SEMA7A: variants seen among roughly 807,000 people sequenced by gnomAD.
The protein encoded by SEMA7A is semaphorin-7A.
Under a neutral mutation model 67.5 loss-of-function variants are expected in SEMA7A, and 21 were observed. That is an observed-to-expected ratio of 0.31 (90% confidence interval 0.22 to 0.45). SEMA7A has a LOEUF of 0.45. Among genes scored for constraint, SEMA7A ranks in the 20% least tolerant of loss-of-function variants. The probability of loss-of-function intolerance (pLI) is 1.00; values close to 1 mark genes in which losing one functional copy is unlikely to be tolerated. For missense variants in SEMA7A, 774 were observed against 908.6 expected, an observed-to-expected ratio of 0.85 and a Z score of 1.90; for synonymous variants, 364 against 368.5, an observed-to-expected ratio of 0.99 and a Z score of 0.14.
chr15:74,433,824 C>G lies in SEMA7A; in HGVS notation c.95G>C (p.Arg32Pro), dbSNP rs2061115937. The change falls in exon 1 of 14, where the codon CGG becomes CCG. Residue 32 changes from arginine to proline, a missense_variant. By Grantham distance (103) the Arg-to-Pro change is moderately radical (BLOSUM62 -2). Around this residue, in one of 2 missense-constraint regions of SEMA7A, gnomAD observed 347 missense variants for 353.2 expected, o/e 0.98. Transcript: ENST00000261918. ...GGCCGCCCAGAGCAGCAGCAGCAGC[C>G]GCAGCCGCAGCGGAAGCCCCAACCG... is the stretch of plus-strand genomic sequence containing the variant. ...PARLGLPLRL[R>P]LLLLLWAAAA... 1.5e-6 allele frequency: 2 copies of G among 1,363,436 alleles called. No individual in the cohort carries two copies. Among genetic ancestry groups the G allele is most frequent in the Non-Finnish European group, 1.9e-6 (2 of 1,062,742 alleles). 84.5% of individuals were successfully genotyped at this position (1,363,436 alleles called of 1,614,324 possible). A position where few individuals can be genotyped will look rare whatever the true frequency, so the allele number is the denominator to read the frequency against.
Position 74,414,901 on chromosome 15 carries a change from C to G in SEMA7A, c.1032G>C (p.Lys344Asn), listed in dbSNP as rs535895939. The G allele has an allele frequency of 1.9e-6, 3 of 1,614,044 alleles. No homozygotes were observed. Among genetic ancestry groups the G allele is most frequent in the Non-Finnish European group, 2.5e-6 (3 of 1,180,024 alleles). ...VCVYSLGDIDKVFRTSSLKGY... is the reference protein window; with the variant it reads ...VCVYSLGDIDNVFRTSSLKGY... ...CCTTGAGTGAGGAGGTACGGAAGACCTTGTCAATGTCACCGAGGGAATACA... is the reference window on the plus strand; with the variant it reads ...CCTTGAGTGAGGAGGTACGGAAGACGTTGTCAATGTCACCGAGGGAATACA... Residue 344 changes from lysine to asparagine, a missense_variant, in exon 9 of 14, where the codon AAG (lysine) becomes AAC (asparagine). This residue lies in a region of SEMA7A where 427 missense variants were observed against 555.4 expected (regional missense o/e 0.77). Coordinates refer to ENST00000261918, the MANE Select transcript of SEMA7A (RefSeq NM_003612.5). This position sits in a 1 kb window ranked among gnomAD's most constrained non-coding sequence, Gnocchi z 4.1.
intron 1 of SEMA7A, among the ~76,000 whole-genome samples, chr15:74,431,840 G>A (rs1033769875): frequency 1.3e-5 from 2 of 152,082 alleles, no homozygotes; most frequent in African/African-American, 4.8e-5. Context: ...ACAGACTGTC[G>A]TTGGACAAGA....
chr15:74,416,862 C>A (rs2060953371), intron 6 of SEMA7A, 148 bp from the exon 7 acceptor site: 4 of 826,188 alleles, frequency 4.8e-6, no homozygotes, highest in African/African-American at 3.4e-5. Flanking sequence ...AGGTCCAACT[C>A]CCCGAGGGGC....
intron 10 of SEMA7A, among the ~76,000 whole-genome samples, 169 bp from the exon 11 acceptor site, chr15:74,412,181 C>T (rs546890989): frequency 6.6e-6 from 1 of 152,282 alleles, no homozygotes; most frequent in South Asian, 2.1e-4. Flanking sequence ...AGCCTAAGGG[C>T]AGCCTGGAAC....
At chr15:74,431,114 C>T (rs966459299) in intron 1 of SEMA7A, among the ~76,000 whole-genome samples, 3 of 152,202 alleles carry the variant, frequency 2.0e-5, no homozygotes, top group Non-Finnish European at 4.4e-5. Flanking sequence ...AAGCCCCAGC[C>T]CTCACCTGCA....
Position 74,409,801 on chromosome 15 carries a change from C to G in SEMA7A, c.*823G>C, listed in dbSNP as rs1170222627. On this transcript the variant is annotated 3_prime_UTR_variant, in exon 14 of 14. Coordinates refer to ENST00000261918, the MANE Select transcript of SEMA7A (RefSeq NM_003612.5). ...GGCTCCAACAACGTCCCCCTCAGAC[C>G]GGGCTCCCAGGGCAGAGCCAGCTCA... 1 of 149,608 alleles carries G rather than the reference C, an allele frequency of 6.7e-6. No homozygotes were observed. Among genetic ancestry groups the G allele is most frequent in the African/African-American group, 2.5e-5 (1 of 40,312 alleles). The allele number at this position is 149,608 out of a possible 1,614,324, so 9.3% of individuals were successfully genotyped here.
rs771532027 is a variant in SEMA7A at position 74,414,678 on chromosome 15, G to A, written c.1163C>T (p.Ala388Val). Residue 388 changes from alanine (A) to valine (V), a missense_variant, in exon 10 of 14, where the codon GCG becomes GTG. This residue lies in a region of SEMA7A where 427 missense variants were observed against 555.4 expected (regional missense o/e 0.77). Transcript: ENST00000261918. The surrounding 1 kb of genome is among the most constrained non-coding windows in gnomAD (Gnocchi z 4.1). Reference protein sequence around the residue: ...FQVADRHPEVAQRVEPMGPLK... With the variant: ...FQVADRHPEVVQRVEPMGPLK... Reference sequence around the variant, plus strand: ...AGGCCCCATGGGCTCCACCCTCTGCGCCACCTCTGGGTGACGGTCAGCCAC... The same window carrying A: ...AGGCCCCATGGGCTCCACCCTCTGCACCACCTCTGGGTGACGGTCAGCCAC... 2.0e-5 allele frequency: 32 copies of A among 1,613,978 alleles called. No individual in the cohort carries two copies. Among genetic ancestry groups the A allele is most frequent in the East Asian group, 6.7e-5 (3 of 44,876 alleles).
intron 1 of SEMA7A, among the ~76,000 whole-genome samples, chr15:74,422,688 G>T (rs2061010340): frequency 6.6e-6 from 1 of 152,178 alleles, no homozygotes; most frequent in South Asian, 2.1e-4. Context: ...GTGCTCACAG[G>T]GCTCTGATCC....
intron 1 of SEMA7A, among the ~76,000 whole-genome samples, chr15:74,429,115 G>A (rs776679178): frequency 4.1e-4 from 62 of 152,204 alleles, no homozygotes; most frequent in Admixed American, 1.3e-4. Context: ...AGGCTCCTGG[G>A]GCAGCCACGC....
In SEMA7A at chr15:74,410,786, G is replaced by A. The variant is rs754498643; in HGVS notation, c.1839C>T (p.Cys613=). The change falls in exon 14 of 14, where the codon TGC becomes TGT. Residue 613 remains cysteine (C), a synonymous_variant. Coordinates refer to ENST00000261918, the MANE Select transcript of SEMA7A (RefSeq NM_003612.5). The surrounding 1 kb of genome is among the most constrained non-coding windows in gnomAD (Gnocchi z 7.5). ...LTAQQYGHYF[C]EAQEGSYFRE... The stretch of plus-strand genomic sequence containing the variant: ...GGAAGTAGGAGCCCTCCTGGGCCTC[G>A]CAGAAGTAGTGGCCGTACTGCTGCG... The A allele has an allele frequency of 5.6e-6, 9 of 1,614,084 alleles. No individual in the cohort carries two copies. Among genetic ancestry groups the A allele is most frequent in the South Asian group, 2.2e-5 (2 of 91,084 alleles).
Position 74,417,663 on chromosome 15 carries a change from C to T in SEMA7A, c.478G>A (p.Val160Met). ...PSCWNLVNGT[V>M]VPLGEMRGYA... ...CCTCTCATCTCGCCAAGTGGCACCA[C>T]AGTGCCATTCACCTGTGGGAGATCC... Residue 160 changes from valine to methionine, a missense_variant, in exon 5 of 14, where the codon GTG (valine) becomes ATG (methionine). Val to Met is a conservative substitution (Grantham distance 21). Around this residue, in one of 2 missense-constraint regions of SEMA7A, gnomAD observed 347 missense variants for 353.2 expected, o/e 0.98. Transcript: ENST00000261918. 1 of 1,611,226 alleles carries T rather than the reference C, an allele frequency of 6.2e-7. No homozygotes were observed. The highest frequency in any genetic ancestry group is 8.5e-7 in the Non-Finnish European group (1 of 1,179,318).
intron 1 of SEMA7A, among the ~76,000 whole-genome samples, chr15:74,426,420 G>C (rs1370625089): frequency 6.6e-6 from 1 of 152,152 alleles, no homozygotes; most frequent in Admixed American, 6.5e-5. Flanking sequence ...GGTACACCAG[G>C]TATCCCTCAA....
intron 1 of SEMA7A, among the ~76,000 whole-genome samples, chr15:74,424,598 G>A (rs2061027285): frequency 1.3e-5 from 2 of 152,240 alleles, no homozygotes; most frequent in South Asian, 4.1e-4. Context: ...TGTGCTCAAA[G>A]GACCAGAAGA....
Position 74,410,510 on chromosome 15 carries a change from T to C in SEMA7A, c.*114A>G. The C allele has an allele frequency of 2.8e-6, 4 of 1,440,826 alleles. No homozygotes were observed. The highest frequency in any genetic ancestry group is 2.8e-6 in the Non-Finnish European group (3 of 1,068,700). The allele number at this position is 1,440,826 out of a possible 1,614,324, so 89.3% of individuals were successfully genotyped here. On this transcript the variant is annotated 3_prime_UTR_variant, in exon 14 of 14. Coordinates refer to ENST00000261918, the MANE Select transcript of SEMA7A (RefSeq NM_003612.5). The surrounding 1 kb of genome is among the most constrained non-coding windows in gnomAD (Gnocchi z 7.5). Reference sequence around the variant, plus strand: ...CCTGGCATCCTCCACTGGGTTATTCTGTCCCCTGGAAGAAGTGGCAGGCAA... The same window carrying C: ...CCTGGCATCCTCCACTGGGTTATTCCGTCCCCTGGAAGAAGTGGCAGGCAA...
chr15:74,428,373 C>T (rs142355795), intron 1 of SEMA7A, among the ~76,000 whole-genome samples: 3,768 of 152,280 alleles, frequency 0.025, 57 homozygotes, highest in Middle Eastern at 0.037. Flanking sequence ...GACTCAGCCC[C>T]GGTCCCAGCT....
At chr15:74,424,645 C>T (rs2141286641) in intron 1 of SEMA7A, among the ~76,000 whole-genome samples, 1 of 152,288 alleles carries the variant, frequency 6.6e-6, no homozygotes, top group South Asian at 2.1e-4. Flanking sequence ...GGGGCAAAGT[C>T]CTAGGGAGAA....
chr15:74,429,568 G>A (rs1596201197), intron 1 of SEMA7A, among the ~76,000 whole-genome samples: 1 of 152,212 alleles, frequency 6.6e-6, no homozygotes, highest in African/African-American at 2.4e-5. Context: ...CCCAGAGCCA[G>A]CCTCCCACCA....
chr15:74,431,634 AC>A (rs2061089250), intron 1 of SEMA7A, among the ~76,000 whole-genome samples: 1 of 151,560 alleles, frequency 6.6e-6, no homozygotes, highest in Non-Finnish European at 1.5e-5. Context: ...TTCCAGAAAG[AC>A]CCCCTCTTAC....
In SEMA7A at chr15:74,413,636, AG is replaced by A. The variant is rs2060920738; in HGVS notation, c.1294+910del. Among the ~76,000 whole-genome samples, 3 of 152,330 alleles carry A rather than the reference AG, an allele frequency of 2.0e-5. No individual in the cohort carries two copies. The South Asian group carries it at 6.2e-4, about 32-fold the overall frequency. On this transcript the variant is annotated intron_variant, in intron 10 of 13. Coordinates refer to ENST00000261918, the MANE Select transcript of SEMA7A (RefSeq NM_003612.5). Reference sequence around the variant, plus strand: ...GCCCAAGGGTGTAGCCGGGATGAATAGGGAGTAAAGAGGCAGGGAATCAGGA... The same window carrying A: ...GCCCAAGGGTGTAGCCGGGATGAATAGGAGTAAAGAGGCAGGGAATCAGGA...
Sources: allele counts gnomAD v4.1 joint callset (sites outside exome capture counted in the v4.1 genomes callset), GRCh38; gene constraint gnomAD v4.1.1; regional missense constraint gnomAD v4.1.1; non-coding constraint Gnocchi (gnomAD v3.1); transcripts MANE v1.5; gene names NCBI Gene and HGNC (gene_info 2026-07-23, HGNC 2026-07-21).